Variants in CBLIF observed in about 807,000 individuals in gnomAD.
CBLIF encodes the protein gastric intrinsic factor (vitamin B synthesis).
A neutral mutation model predicts 44.9 loss-of-function variants in CBLIF; 24 were observed. The observed-to-expected ratio is 0.53, with a 90% CI of 0.39 to 0.75. CBLIF has a LOEUF of 0.75. Ranked by LOEUF, CBLIF falls within the 30% of genes least tolerant of loss-of-function variation. The pLI is 0.00. For missense variants in CBLIF, 481 were observed against 513.0 expected, an observed-to-expected ratio of 0.94 and a Z score of 0.60; for synonymous variants, 183 against 190.9, an observed-to-expected ratio of 0.96 and a Z score of 0.34.
chr11:59,842,779 T>C, intron 3 of CBLIF, 196 bp from the exon 4 acceptor site: 1 of 651,930 alleles, frequency 1.5e-6, no homozygotes, highest in Non-Finnish European at 2.7e-6. Context: ...ATAAAAGGGA[T>C]GACTCTGTGT....
At chr11:59,843,828 G>A in intron 2 of CBLIF, 51 bp downstream of exon 2, 2 of 1,352,322 alleles carry the variant, frequency 1.5e-6, no homozygotes, top group East Asian at 2.3e-5. Flanking sequence ...TCTGGAGGTG[G>A]TATGTGATGT....
At position 59,841,270 on chromosome 11, in the gene CBLIF, A is replaced by G. The variant is rs1328651208; in HGVS notation, c.566T>C (p.Val189Ala). ...ALTCMYNKIP[V>A]GSEEGYRSLF... is the part of the protein sequence containing the mutation. ...GGATCTGTAACCTTCCTCTGAACCT[A>G]CAGGGATCTTGTTGTACATACAGGT... Residue 189 changes from valine (V) to alanine (A), a missense_variant, in exon 5 of 9, where the codon GTA becomes GCA. Transcript: ENST00000257248. 1.9e-6 allele frequency: 3 copies of G among 1,613,810 alleles called. No homozygotes were observed. The highest frequency in any genetic ancestry group is 1.7e-6 in the Non-Finnish European group (2 of 1,179,660).
At chr11:59,831,583 T>TG in intron 8 of CBLIF, 95 bp downstream of exon 8, 1 of 719,982 alleles carries the variant, frequency 1.4e-6, no homozygotes, top group Non-Finnish European at 2.5e-6. Context: ...TAATTATTAA[T>TG]TAAGTGAATG....
chr11:59,838,516 A>T (rs1037913129), intron 5 of CBLIF, among the ~76,000 whole-genome samples: 2 of 152,102 alleles, frequency 1.3e-5, no homozygotes, highest in African/African-American at 4.8e-5. Context: ...AGGAGTCAGA[A>T]ACGGCTGTCT....
chr11:59,836,031 C>A (rs1306282234), intron 6 of CBLIF, 22 bp from the exon 7 acceptor site: 8 of 1,596,232 alleles, frequency 5.0e-6, no homozygotes, highest in Non-Finnish European at 6.9e-6. Flanking sequence ...AAAGAGGCCA[C>A]ATTTGTCAAA....
intron 3 of CBLIF, 137 bp from the exon 4 acceptor site, chr11:59,842,720 G>A (rs1171541793): frequency 1.3e-6 from 1 of 797,230 alleles, no homozygotes; most frequent in Admixed American, 2.0e-5. Context: ...CATAGGCAAA[G>A]AGCAACTTCA....
At chr11:59,839,572 T>A (rs1866496554) in intron 5 of CBLIF, among the ~76,000 whole-genome samples, 1 of 152,158 alleles carries the variant, frequency 6.6e-6, no homozygotes, top group Non-Finnish European at 1.5e-5. Flanking sequence ...TATCAGAATA[T>A]TTTAGATTAG....
At position 59,843,157 on chromosome 11, in the gene CBLIF, C is replaced by T; in HGVS notation, c.257-16G>A. 2 of 1,506,998 alleles carry T rather than the reference C, an allele frequency of 1.3e-6. No homozygotes were observed. The highest frequency in any genetic ancestry group is 1.8e-6 in the Non-Finnish European group (2 of 1,082,316). 93.4% of individuals were successfully genotyped at this position (1,506,998 alleles called of 1,614,324 possible). ...ATGGTTAGATCTGCAGAGAAGAGAA[C>T]ACAACGGTTAGACAGAGACATCCTC... is the stretch of plus-strand genomic sequence containing the variant. On this transcript the variant is annotated splice_polypyrimidine_tract_variant and intron_variant, in intron 2 of 8. Coordinates refer to ENST00000257248, the MANE Select transcript of CBLIF (RefSeq NM_005142.3).
At chr11:59,844,095 A>G (rs1314882963) in intron 1 of CBLIF, 40 bp from the exon 2 acceptor site, 2 of 1,471,252 alleles carry the variant, frequency 1.4e-6, no homozygotes, top group Non-Finnish European at 1.9e-6. Context: ...TCTAACCCTC[A>G]TTCCTTCTCA....
chr11:59,829,377 A>G lies in CBLIF; in HGVS notation c.*107T>C. ...GGTTCTCCATGTTTTTACCAGGAAT[A>G]TGGTAGCATCACAGGCATTCGCTTT... On this transcript the variant is annotated 3_prime_UTR_variant, in exon 9 of 9. Coordinates refer to ENST00000257248, the MANE Select transcript of CBLIF (RefSeq NM_005142.3). 5.3e-6 allele frequency: 4 copies of G among 748,238 alleles called. No individual in the cohort carries two copies. The highest frequency in any genetic ancestry group is 9.8e-6 in the Non-Finnish European group (4 of 408,302). The allele number at this position is 748,238 out of a possible 1,614,324, so 46.3% of individuals were successfully genotyped here. A position where few individuals can be genotyped will look rare whatever the true frequency, so the allele number is the denominator to read the frequency against.
At chr11:59,834,171 C>T (rs1866410632) in intron 7 of CBLIF, among the ~76,000 whole-genome samples, 1 of 152,062 alleles carries the variant, frequency 6.6e-6, no homozygotes, top group Non-Finnish European at 1.5e-5. Context: ...TTTGCATGTC[C>T]TGACCTCTTT....
At chr11:59,844,461 C>A (rs1457381182) in intron 1 of CBLIF, among the ~76,000 whole-genome samples, 3 of 152,064 alleles carry the variant, frequency 2.0e-5, no homozygotes, top group African/African-American at 7.2e-5. Context: ...TTTAGGAGAA[C>A]ACTTGATTAG....
At chr11:59,834,386 C>CT (rs1160160822) in intron 7 of CBLIF, among the ~76,000 whole-genome samples, 16 of 125,042 alleles carry the variant, frequency 1.3e-4, no homozygotes, top group Middle Eastern at 4.6e-3. Context: ...TCTTTCCTTC[C>CT]TTTTTTTTGT....
At position 59,830,322 on chromosome 11, in the gene CBLIF, C is replaced by T. The variant is rs958520065; in HGVS notation, c.1193-777G>A. Among the ~76,000 whole-genome samples the T allele has an allele frequency of 6.2e-5, 9 of 146,338 alleles. 1 individual carries two copies. The South Asian group carries it at 1.9e-3, about 31-fold the overall frequency. On this transcript the variant is annotated intron_variant, in intron 8 of 8. Transcript: ENST00000257248. The stretch of plus-strand genomic sequence containing the variant: ...TGCAATCTCAGCTCACTGCAAGCTT[C>T]GCCTCCTGGGTTCATGCCATTCACC...
chr11:59,829,645 TGTTTTTAAAG>T, intron 8 of CBLIF, 100 bp from the exon 9 acceptor site: 2 of 762,234 alleles, frequency 2.6e-6, no homozygotes, highest in Non-Finnish European at 4.8e-6. Context: ...ACCCATTAAA[TGTTTTTAAAG>T]GAGTAAAATC....
At chr11:59,841,045 G>A (rs1866519602) in intron 5 of CBLIF, 98 bp downstream of exon 5, 1 of 896,924 alleles carries the variant, frequency 1.1e-6, no homozygotes, top group African/African-American at 1.6e-5. Context: ...CATACTAGCT[G>A]GACTTTCACA....
At chr11:59,831,509 T>C in intron 8 of CBLIF, 169 bp downstream of exon 8, 2 of 404,556 alleles carry the variant, frequency 4.9e-6, no homozygotes, top group South Asian at 6.2e-5. Flanking sequence ...ACACAAAATA[T>C]ATGTGTGTAT....
intron 8 of CBLIF, 61 bp from the exon 9 acceptor site, chr11:59,829,606 C>A: frequency 2.0e-6 from 2 of 982,324 alleles, no homozygotes; most frequent in South Asian, 1.3e-5. Context: ...CTCCATCCCC[C>A]AAGGGATGCA....
chr11:59,837,364 A>G lies in CBLIF; in HGVS notation c.694-13T>C, dbSNP rs1215674526. On this transcript the variant is annotated splice_polypyrimidine_tract_variant and intron_variant, in intron 5 of 8. Coordinates refer to ENST00000257248, the MANE Select transcript of CBLIF (RefSeq NM_005142.3). ...TTACAGAGAGAGCCTGGGAAGGAAG[A>G]CAGAAAGAGAGAGAAAGAGTAATTA... The G allele has an allele frequency of 4.4e-6, 7 of 1,603,602 alleles. No homozygotes were observed. The highest frequency in any genetic ancestry group is 1.7e-4 in the Middle Eastern group (1 of 6,054).
Sources: gnomAD v4.1 joint callset for allele counts (sites outside exome capture counted in the v4.1 genomes callset) on GRCh38, gnomAD v4.1.1 for gene constraint, MANE v1.5 for transcripts, NCBI Gene and HGNC (gene_info 2026-07-23, HGNC 2026-07-21) for gene names.